The following CAST variants were observed in gnomAD, a reference collection of about 807,000 sequenced individuals.
The protein encoded by CAST is calpastatin, also known as MIR583 host.
Under a neutral mutation model 119.6 loss-of-function variants are expected in CAST, and 76 were observed. That is an observed-to-expected ratio of 0.64 (90% CI 0.53 to 0.77). The LOEUF (loss-of-function observed/expected upper bound fraction) is 0.77, where lower values mean the gene tolerates loss of function less well. CAST is among the 30% of genes least tolerant of loss of function. The pLI is 0.00. For missense variants in CAST, 953 were observed against 946.5 expected (o/e 1.01, Z -0.09); for synonymous variants, 319 against 331.6 (o/e 0.96, Z 0.41).
the CAST span, among the ~76,000 whole-genome samples, chr5:95,974,074 C>T: frequency 3.3e-5 from 5 of 152,014 alleles, no homozygotes; most frequent in Non-Finnish European, 7.4e-5. Flanking sequence ...CTGACCCTAT[C>T]ATCTGCAGAC....
rs549685268 is a variant in CAST at position 96,771,590 on chromosome 5, C to T, written c.2341-54C>T. ...CCCCTAATTCTGAGAAGGCCATCTC[C>T]TCATACTTAATACAGAAAAGAAAGC... On this transcript the variant is annotated intron_variant, in intron 30 of 31. Transcript: ENST00000675179. 3.3e-5 allele frequency: 48 copies of T among 1,446,292 alleles called. 1 individual carries two copies. In the South Asian group the frequency reaches 5.7e-4, roughly 17 times the overall value. 89.6% of individuals were successfully genotyped at this position (1,446,292 alleles called of 1,614,324 possible). A position where few individuals can be genotyped will look rare whatever the true frequency, so the allele number is the denominator to read the frequency against.
the CAST span, among the ~76,000 whole-genome samples, chr5:96,100,822 C>T: frequency 6.6e-6 from 1 of 152,052 alleles, no homozygotes. Context: ...ACATATCTTA[C>T]ATACTTATTA....
intron 1 of CAST, among the ~76,000 whole-genome samples, chr5:96,618,590 A>G (rs1747521320): frequency 6.6e-6 from 1 of 152,232 alleles, no homozygotes; most frequent in African/African-American, 2.4e-5. Context: ...CGGGCTTGGC[A>G]GGCCTCGCAT....
At chr5:96,488,962 C>T in the CAST span, among the ~76,000 whole-genome samples, 2 of 152,182 alleles carry the variant, frequency 1.3e-5, no homozygotes, top group African/African-American at 4.8e-5. Flanking sequence ...CCAAGGACCA[C>T]AAAGGGCAAC....
the CAST span, among the ~76,000 whole-genome samples, chr5:96,266,712 A>G: frequency 0.049 from 7,389 of 152,264 alleles, 597 homozygotes; most frequent in African/African-American, 0.17. Context: ...AAACCCAAAC[A>G]AGCCAGACAG....
chr5:96,748,468 C>G, intron 18 of CAST, 50 bp from the exon 19 acceptor site: 1 of 901,132 alleles, frequency 1.1e-6, no homozygotes, highest in South Asian at 1.9e-5. Flanking sequence ...TTTTTTTTTA[C>G]AAAATAAAAA....
chr5:96,035,223 A>C, the CAST span, among the ~76,000 whole-genome samples: 3 of 146,734 alleles, frequency 2.0e-5, no homozygotes, highest in African/African-American at 7.4e-5. Flanking sequence ...TTAAGTATAT[A>C]TATATACTTC....
intron 30 of CAST, 84 bp downstream of exon 30, chr5:96,770,686 C>A: frequency 1.1e-6 from 1 of 905,206 alleles, no homozygotes; most frequent in Non-Finnish European, 1.8e-6. Context: ...TAGTTTCCTA[C>A]TGGAATCTAT....
intron 1 of CAST, among the ~76,000 whole-genome samples, chr5:96,668,472 A>G (rs1749629151): frequency 1.3e-5 from 2 of 152,176 alleles, no homozygotes; most frequent in Non-Finnish European, 2.9e-5. Context: ...ACCTTAACTC[A>G]CTGGCTTCTA....
In CAST at chr5:96,628,705, C is replaced by CT. The variant is rs546489342; in HGVS notation, c.61-46833dup. Among the ~76,000 whole-genome samples the CT allele has an allele frequency of 4.5e-4, 68 of 152,314 alleles. 1 individual carries two copies. In the South Asian group the frequency reaches 0.013, roughly 29 times the overall value. Reference sequence around the variant, plus strand: ...GAGGATAATAATAGTCAGAGATCATCTAAGTCACAGATATGTGGCTTTTGC... The same window carrying CT: ...GAGGATAATAATAGTCAGAGATCATCTTAAGTCACAGATATGTGGCTTTTGC... On this transcript the variant is annotated intron_variant, in intron 1 of 11. Coordinates refer to the CAST transcript ENST00000505143.
At chr5:96,372,201 T>A in the CAST span, among the ~76,000 whole-genome samples, 1 of 152,190 alleles carries the variant, frequency 6.6e-6, no homozygotes, top group Non-Finnish European at 1.5e-5. Context: ...TACAACACAG[T>A]TTGTTAAATA....
In CAST at chr5:96,534,739, GAGAAAGAA is replaced by G. The variant is rs1207971503; in HGVS notation, c.60+4916_60+4923del. On this transcript the variant is annotated intron_variant, in intron 1 of 11. Transcript: ENST00000505143. ...GGAGAGAGAGAGAGAGAGAGAGAGA[GAGAAAGAA>G]AGAAAGAAAGAAAGAAAGAAAGAAA... 8.6e-3 allele frequency among the ~76,000 whole-genome samples: 196 copies of G among 22,696 alleles called. 11 individuals carry two copies. The highest frequency in any genetic ancestry group is 0.026 in the African/African-American group (188 of 7,218). 14.9% of individuals were successfully genotyped at this position (22,696 alleles called of 152,430 possible). A position where few individuals can be genotyped will look rare whatever the true frequency, so the allele number is the denominator to read the frequency against.
upstream of CAST, among the ~76,000 whole-genome samples, chr5:96,528,275 C>A (rs1328459483): frequency 6.6e-6 from 1 of 152,102 alleles, no homozygotes. Flanking sequence ...TTAGCCAGAG[C>A]ATGTTGAGGG....
the CAST span, among the ~76,000 whole-genome samples, chr5:96,162,198 G>C: frequency 6.6e-6 from 1 of 152,166 alleles, no homozygotes; most frequent in Admixed American, 6.5e-5. Flanking sequence ...CCTGCTGTTG[G>C]GAGTAAAGCA....
the CAST span, among the ~76,000 whole-genome samples, chr5:96,298,740 T>C: frequency 1.3e-5 from 2 of 152,182 alleles, no homozygotes; most frequent in African/African-American, 4.8e-5. Flanking sequence ...TTATATCCTT[T>C]TCCATCGAAA....
chr5:96,142,828 A>C, the CAST span, among the ~76,000 whole-genome samples: 1 of 152,206 alleles, frequency 6.6e-6, no homozygotes, highest in Non-Finnish European at 1.5e-5. Context: ...AAAATAAAGC[A>C]CATCTGAAAC....
the CAST span, among the ~76,000 whole-genome samples, chr5:96,192,246 A>G: frequency 6.6e-6 from 1 of 152,224 alleles, no homozygotes; most frequent in African/African-American, 2.4e-5. Context: ...TATAGGTCCA[A>G]TGCTTGAGAA....
chr5:96,155,645 C>G, the CAST span, among the ~76,000 whole-genome samples: 1 of 152,170 alleles, frequency 6.6e-6, no homozygotes, highest in Non-Finnish European at 1.5e-5. Context: ...TACGTTCTCA[C>G]CTTCCTCTGA....
chr5:96,664,175 C>T (rs1001102405), intron 1 of CAST, among the ~76,000 whole-genome samples: 1 of 151,816 alleles, frequency 6.6e-6, no homozygotes, highest in Non-Finnish European at 1.5e-5. Context: ...TATTGATCAT[C>T]TATTATGTGC....
Sources: allele counts gnomAD v4.1 joint callset (sites outside exome capture counted in the v4.1 genomes callset), GRCh38; gene constraint gnomAD v4.1.1; transcripts MANE v1.5; gene names NCBI Gene and HGNC (gene_info 2026-07-23, HGNC 2026-07-21).